SLC5A3: variants seen among roughly 807,000 people sequenced by gnomAD.
SLC5A3 encodes solute carrier family 5 member 3, also known as sodium/myo-inositol cotransporter.
SLC5A3 carries 10 observed loss-of-function variants against 43.2 expected under a neutral mutation model. The ratio of observed to expected loss-of-function variants is 0.23; its 90% CI spans 0.14 to 0.39. SLC5A3 has a LOEUF of 0.39. Among genes scored for constraint, SLC5A3 ranks in the 10% least tolerant of loss-of-function variants. The pLI, the probability that SLC5A3 is intolerant of heterozygous loss-of-function variation, is 1.00. For missense variants in SLC5A3, 608 were observed against 893.4 expected (o/e 0.68, Z 4.07); for synonymous variants, 349 against 322.0 (o/e 1.08, Z -0.90).
At chr21:34,078,752 T>C (rs150018619) in intron 1 of SLC5A3, among the ~76,000 whole-genome samples, 91 of 152,294 alleles carry the variant, frequency 6.0e-4, no homozygotes, top group African/African-American at 1.8e-3. Context: ...AACATGAAGG[T>C]GGAAGGAAGG....
intron 1 of SLC5A3, among the ~76,000 whole-genome samples, chr21:34,081,633 C>T (rs1223483519): frequency 6.6e-6 from 1 of 152,094 alleles, no homozygotes; most frequent in Non-Finnish European, 1.5e-5. Flanking sequence ...AGGACTTTAA[C>T]CTTCTGGATC....
chr21:34,095,954 G>A lies in SLC5A3; in HGVS notation c.756G>A (p.Arg252=), dbSNP rs144668351. The A allele has an allele frequency of 1.9e-5, 31 of 1,614,104 alleles. 1 individual carries two copies. The African/African-American group carries it at 3.7e-4, about 19-fold the overall frequency. Reference sequence around the variant, plus strand: ...AGAAAGAAGCCCTGAAAATGCTGCGGAATCCAACAGATGAAGATGTTCCTT... The same window carrying A: ...AGAAAGAAGCCCTGAAAATGCTGCGAAATCCAACAGATGAAGATGTTCCTT... ...SPKKEALKML[R]NPTDEDVPWP... is the part of the protein sequence containing the mutation. The change falls in exon 2 of 2, where the codon CGG becomes CGA. Residue 252 remains arginine, a synonymous_variant. Coordinates refer to ENST00000381151, the MANE Select transcript of SLC5A3 (RefSeq NM_006933.7).
Position 34,095,514 on chromosome 21 carries a change from G to T in SLC5A3, c.316G>T (p.Val106Leu). The part of the protein sequence containing the change: ...VFIPIYIRSG[V>L]YTMPEYLSKR... ...CATCCCAATTTACATCCGGTCAGGG[G>T]TATATACCATGCCTGAATACTTGTC... The change falls in exon 2 of 2, where the codon GTA becomes TTA. Residue 106 changes from valine (V) to leucine (L), a missense_variant. By Grantham distance (32) the Val-to-Leu change is conservative. This residue lies in a region of SLC5A3 where 398 missense variants were observed against 668.6 expected (regional missense o/e 0.60). Coordinates refer to ENST00000381151, the MANE Select transcript of SLC5A3 (RefSeq NM_006933.7). The T allele has an allele frequency of 1.2e-6, 2 of 1,613,958 alleles. No individual in the cohort carries two copies. Among genetic ancestry groups the T allele is most frequent in the Non-Finnish European group, 1.7e-6 (2 of 1,179,992 alleles).
In SLC5A3 at chr21:34,105,552, A is replaced by G; in HGVS notation, c.*8197A>G. 2.6e-5 allele frequency: 26 copies of G among 999,768 alleles called. No individual in the cohort carries two copies. The highest frequency in any genetic ancestry group is 3.1e-5 in the Non-Finnish European group (26 of 829,588). The allele number at this position is 999,768 out of a possible 1,614,324, so 61.9% of individuals were successfully genotyped here. ...ACATGTTCTTCCCAGTGTCCTGCTT[A>G]TGATGCTTTGTTCAGATTTTTTGTA... On this transcript the variant is annotated 3_prime_UTR_variant, in exon 2 of 2. Transcript: ENST00000381151.
intron 1 of SLC5A3, among the ~76,000 whole-genome samples, chr21:34,087,242 T>A (rs1978434324): frequency 7.8e-6 from 1 of 128,620 alleles, no homozygotes; most frequent in South Asian, 2.9e-4. Context: ...AGATCACTGG[T>A]GGAGGAGGGA....
chr21:34,104,177 T>G lies in SLC5A3; in HGVS notation c.*6822T>G. ...CATTTTAATAAAGGATAATTTGATC[T>G]GAGTGTTCTGAGCATCAGACTAATT... On this transcript the variant is annotated 3_prime_UTR_variant, in exon 2 of 2. Coordinates refer to ENST00000381151, the MANE Select transcript of SLC5A3 (RefSeq NM_006933.7). The G allele has an allele frequency of 1.0e-6, 1 of 1,000,146 alleles. No homozygotes were observed. Among genetic ancestry groups the G allele is most frequent in the Non-Finnish European group, 1.2e-6 (1 of 829,942 alleles). The allele number at this position is 1,000,146 out of a possible 1,614,324, so 62.0% of individuals were successfully genotyped here. A position where few individuals can be genotyped will look rare whatever the true frequency, so the allele number is the denominator to read the frequency against.
chr21:34,081,555 A>T (rs1399730875), intron 1 of SLC5A3, among the ~76,000 whole-genome samples: 11 of 152,202 alleles, frequency 7.2e-5, no homozygotes, highest in Non-Finnish European at 1.6e-4. Flanking sequence ...AAAGACTGGC[A>T]TTGGGAGACT....
chr21:34,098,355 G>T lies in SLC5A3; in HGVS notation c.*1000G>T. 1 of 1,000,244 alleles carries T rather than the reference G, an allele frequency of 1.0e-6. No homozygotes were observed. Among genetic ancestry groups the T allele is most frequent in the Non-Finnish European group, 1.2e-6 (1 of 829,990 alleles). 62.0% of individuals were successfully genotyped at this position (1,000,244 alleles called of 1,614,324 possible). ...CTGAAGAAAAATTGACGCTGCCTTT[G>T]TGTGCTGGATTGCTCTACTTGATTA... On this transcript the variant is annotated 3_prime_UTR_variant, in exon 2 of 2. Transcript: ENST00000381151.
chr21:34,076,876 G>C (rs750049324), intron 1 of SLC5A3, among the ~76,000 whole-genome samples: 14 of 152,212 alleles, frequency 9.2e-5, no homozygotes, highest in Non-Finnish European at 1.3e-4. Context: ...CATCAAGAGA[G>C]TTTTATTCAC....
In SLC5A3 at chr21:34,095,279, C is replaced by T. The variant is rs1978913041; in HGVS notation, c.81C>T (p.Ala27=). ...TGGTCATGTGCATTGGTTTTTTTGC[C>T]ATGTGGAAATCTAATAGAAGCACCG... The part of the protein sequence containing the change: ...FILVMCIGFF[A]MWKSNRSTVS... The change falls in exon 2 of 2, where the codon GCC becomes GCT. Residue 27 remains alanine (A), a synonymous_variant. Transcript: ENST00000381151. 6.2e-7 allele frequency: 1 copy of T among 1,613,964 alleles called. No homozygotes were observed. The highest frequency in any genetic ancestry group is 8.5e-7 in the Non-Finnish European group (1 of 1,179,928).
At chr21:34,076,566 A>G (rs1989336610) in intron 1 of SLC5A3, among the ~76,000 whole-genome samples, 1 of 152,238 alleles carries the variant, frequency 6.6e-6, no homozygotes, top group South Asian at 2.1e-4. Flanking sequence ...GCATTTAGGA[A>G]TGTAGTTAAC....
rs534305602 is a variant in SLC5A3 at position 34,089,452 on chromosome 21, A to G, written c.-336-5411A>G. On this transcript the variant is annotated intron_variant, in intron 1 of 1. Transcript: ENST00000381151. ...AGTTGTTCTTCCCTCCCTGACTGCC[A>G]TATCTACAAGGTCTTATTTCTCTGA... Among the ~76,000 whole-genome samples, 122 of 152,102 alleles carry G rather than the reference A, an allele frequency of 8.0e-4. 1 individual carries two copies. Among genetic ancestry groups the G allele is most frequent in the African/African-American group, 2.9e-3 (120 of 41,460 alleles).
chr21:34,090,152 T>C (rs1442459210), intron 1 of SLC5A3, among the ~76,000 whole-genome samples: 1 of 152,258 alleles, frequency 6.6e-6, no homozygotes, highest in Non-Finnish European at 1.5e-5. Context: ...GTGTTGTCTT[T>C]AGCTCCACTT....
At position 34,105,731 on chromosome 21, in the gene SLC5A3, CTGT is replaced by C; in HGVS notation, c.*8380_*8382del. On this transcript the variant is annotated 3_prime_UTR_variant, in exon 2 of 2. Coordinates refer to ENST00000381151, the MANE Select transcript of SLC5A3 (RefSeq NM_006933.7). ...TGTAAATGGATTTCCAGTTTACCTT[CTGT>C]TGTCTACAGCTTTTTTAATTTTAAG... 1 of 997,902 alleles carries C rather than the reference CTGT, an allele frequency of 1.0e-6. No individual in the cohort carries two copies. Among genetic ancestry groups the C allele is most frequent in the South Asian group, 4.7e-5 (1 of 21,234 alleles). 61.8% of individuals were successfully genotyped at this position (997,902 alleles called of 1,614,324 possible). A position where few individuals can be genotyped will look rare whatever the true frequency, so the allele number is the denominator to read the frequency against.
Position 34,101,575 on chromosome 21 carries a change from T to A in SLC5A3, c.*4220T>A. 1.0e-6 allele frequency: 1 copy of A among 1,000,072 alleles called. No homozygotes were observed. Among genetic ancestry groups the A allele is most frequent in the South Asian group, 4.7e-5 (1 of 21,280 alleles). The allele number at this position is 1,000,072 out of a possible 1,614,324, so 61.9% of individuals were successfully genotyped here. A position where few individuals can be genotyped will look rare whatever the true frequency, so the allele number is the denominator to read the frequency against. ...GACTGGTCTTTCTCTTTGTCTTCCTTCACATTGCTGTGTCAGTTCTACACC... is the reference window on the plus strand; with the variant it reads ...GACTGGTCTTTCTCTTTGTCTTCCTACACATTGCTGTGTCAGTTCTACACC... On this transcript the variant is annotated 3_prime_UTR_variant, in exon 2 of 2. Coordinates refer to ENST00000381151, the MANE Select transcript of SLC5A3 (RefSeq NM_006933.7).
rs1989511807 is a variant in SLC5A3, at chr21:34,083,816, G to A, written c.-337+10071G>A. 3.3e-5 allele frequency among the ~76,000 whole-genome samples: 5 copies of A among 152,304 alleles called. No individual in the cohort carries two copies. In the South Asian group the frequency reaches 8.3e-4, roughly 25 times the overall value. ...CAAATTTTGTGTGTGTAAGAAGATT[G>A]AAGAAAACATTTTTCCTAATGTCAC... is the stretch of plus-strand genomic sequence containing the variant. On this transcript the variant is annotated intron_variant, in intron 1 of 1. Transcript: ENST00000381151.
In SLC5A3 at chr21:34,095,557, A is replaced by G. The variant is rs1978927541; in HGVS notation, c.359A>G (p.His120Arg). The change falls in exon 2 of 2, where the codon CAT becomes CGT. Residue 120 changes from histidine (H) to arginine (R), a missense_variant. Transcript: ENST00000381151. The stretch of plus-strand genomic sequence containing the variant: ...TACTTGTCCAAGCGATTTGGTGGCC[A>G]TAGGATTCAGGTCTATTTTGCAGCC... ...PEYLSKRFGG[H>R]RIQVYFAALS... 2 of 1,613,726 alleles carry G rather than the reference A, an allele frequency of 1.2e-6. No individual in the cohort carries two copies. Among genetic ancestry groups the G allele is most frequent in the African/African-American group, 1.3e-5 (1 of 74,902 alleles).
At chr21:34,074,897 A>G (rs1359237113) in intron 1 of SLC5A3, among the ~76,000 whole-genome samples, 1 of 152,172 alleles carries the variant, frequency 6.6e-6, no homozygotes, top group Admixed American at 6.5e-5. Flanking sequence ...TGTGCTTTGC[A>G]TATTGTTAAC....
Position 34,102,686 on chromosome 21 carries a change from T to C in SLC5A3, c.*5331T>C, listed in dbSNP as rs1236359454. The C allele has an allele frequency of 1.0e-6, 1 of 1,000,020 alleles. No individual in the cohort carries two copies. The highest frequency in any genetic ancestry group is 1.2e-6 in the Non-Finnish European group (1 of 829,884). The allele number at this position is 1,000,020 out of a possible 1,614,324, so 61.9% of individuals were successfully genotyped here. On this transcript the variant is annotated 3_prime_UTR_variant, in exon 2 of 2. Coordinates refer to ENST00000381151, the MANE Select transcript of SLC5A3 (RefSeq NM_006933.7). ...GAAGAGAAAGGATGCTAGAATAAAG[T>C]AAGCAGCTGAAGAGCGAGCAAATCA...
Sources: gnomAD v4.1 joint callset for allele counts (sites outside exome capture counted in the v4.1 genomes callset) on GRCh38, gnomAD v4.1.1 for gene constraint, gnomAD v4.1.1 regional missense constraint, MANE v1.5 for transcripts, NCBI Gene and HGNC (gene_info 2026-07-23, HGNC 2026-07-21) for gene names.